Variants in TEN1 observed in about 807,000 individuals in gnomAD.
The protein encoded by TEN1 is CST complex subunit TEN1.
TEN1 carries 6 observed loss-of-function variants against 9.3 expected under a neutral mutation model. The ratio of observed to expected loss-of-function variants is 0.65; its 90% CI spans 0.35 to 1.27. The LOEUF is 1.27. Among genes scored for constraint, TEN1 ranks in the 50% most tolerant of loss-of-function variants. The pLI is 0.03. For synonymous variants in TEN1, 65 were observed against 65.6 expected (o/e 0.99, Z 0.04); for missense variants, 149 against 158.2 (o/e 0.94, Z 0.31).
intron 1 of TEN1, 68 bp from the exon 2 acceptor site, chr17:75,986,119 A>G (rs539598651): frequency 8.1e-7 from 1 of 1,228,914 alleles, no homozygotes; most frequent in South Asian, 1.5e-5. Flanking sequence ...ATATCTGCTA[A>G]TCTCTGTTTT....
At chr17:75,982,422 G>A (rs780098853) in intron 1 of TEN1, among the ~76,000 whole-genome samples, 8 of 152,070 alleles carry the variant, frequency 5.3e-5, no homozygotes, top group Admixed American at 1.3e-4. Context: ...TTTTTGCAGC[G>A]AAACTTCAGA....
At chr17:75,986,665 C>A (rs2066154381) in intron 2 of TEN1, among the ~76,000 whole-genome samples, 2 of 151,782 alleles carry the variant, frequency 1.3e-5, no homozygotes, top group Admixed American at 6.6e-5. Context: ...CGCGCCATTG[C>A]ACTCCAGCCT....
rs568592944 is a variant in TEN1 at position 75,984,394 on chromosome 17, T to C, written c.-6-1793T>C. ...GTCTCTTGTTCTACTTTTTCATTTT[T>C]TTAAATTTAATTTTGTTTTTGTGAG... On this transcript the variant is annotated intron_variant, in intron 1 of 3. Transcript: ENST00000397640. Among the ~76,000 whole-genome samples the C allele has an allele frequency of 7.9e-5, 12 of 152,298 alleles. No homozygotes were observed. In the South Asian group the frequency reaches 2.3e-3, roughly 29 times the overall value.
At chr17:75,999,951 C>T (rs997633100) in intron 3 of TEN1, among the ~76,000 whole-genome samples, 190 bp from the exon 4 acceptor site, 1 of 152,148 alleles carries the variant, frequency 6.6e-6, no homozygotes, top group South Asian at 2.1e-4. Context: ...CACGGGCCGA[C>T]TGTGCATGAC....
At chr17:75,999,335 T>C (rs1031657179) in intron 3 of TEN1, among the ~76,000 whole-genome samples, 2 of 152,000 alleles carry the variant, frequency 1.3e-5, no homozygotes, top group Admixed American at 1.3e-4. Flanking sequence ...AGCAACACCC[T>C]GTCTCAAAAA....
chr17:75,998,701 CTTATT>C (rs1203406988), intron 3 of TEN1, among the ~76,000 whole-genome samples: 1 of 151,496 alleles, frequency 6.6e-6, no homozygotes, highest in Non-Finnish European at 1.5e-5. Context: ...TATTTATTTA[CTTATT>C]TTGAGACAGA....
chr17:75,986,799 G>A (rs2066155169), intron 2 of TEN1, among the ~76,000 whole-genome samples: 1 of 151,120 alleles, frequency 6.6e-6, no homozygotes, highest in Non-Finnish European at 1.5e-5. Flanking sequence ...TAGAGAGGAA[G>A]GAAAAGTCAC....
At chr17:75,985,767 G>T (rs1486634245) in intron 1 of TEN1, among the ~76,000 whole-genome samples, 1 of 149,294 alleles carries the variant, frequency 6.7e-6, no homozygotes, top group Non-Finnish European at 1.5e-5. Context: ...CAGGTGATCC[G>T]CCCGCCTCAG....
chr17:75,980,111 C>G (rs1166022196), intron 1 of TEN1, among the ~76,000 whole-genome samples: 1 of 152,020 alleles, frequency 6.6e-6, no homozygotes, highest in Non-Finnish European at 1.5e-5. Context: ...ACGAGGCGGG[C>G]GTATCACTTG....
At chr17:75,988,580 AAAAAAAAG>A in intron 2 of TEN1, among the ~76,000 whole-genome samples, 1 of 148,616 alleles carries the variant, frequency 6.7e-6, no homozygotes. Flanking sequence ...AAAAAAAAAA[AAAAAAAAG>A]AAAAGAAGAA....
intron 2 of TEN1, among the ~76,000 whole-genome samples, chr17:75,988,845 A>G (rs2066168187): frequency 1.3e-5 from 2 of 151,960 alleles, no homozygotes; most frequent in Non-Finnish European, 2.9e-5. Flanking sequence ...ATCTCGGCTC[A>G]CTGCAACCTC....
rs2066185829 is a variant in TEN1, at chr17:75,991,558, T to TGGAG, written c.186_189dup (p.Pro64GlyfsTer106). 6 of 1,552,190 alleles carry TGGAG rather than the reference T, an allele frequency of 3.9e-6. No homozygotes were observed. The highest frequency in any genetic ancestry group is 5.2e-6 in the Non-Finnish European group (6 of 1,147,124). The stretch of plus-strand genomic sequence containing the variant: ...CAGGTTCTTGTCTGTACCAAGTTGG[T>TGGAG]GGAGCCCTTCCACGCCCAGGTGGGC... On this transcript the variant is annotated frameshift_variant, in exon 3 of 4. Coordinates refer to ENST00000397640, the MANE Select transcript of TEN1 (RefSeq NM_001113324.3). LOFTEE classifies it high-confidence loss of function.
intron 1 of TEN1, among the ~76,000 whole-genome samples, chr17:75,980,832 C>A (rs1015732817): frequency 3.9e-5 from 6 of 152,140 alleles, no homozygotes; most frequent in Middle Eastern, 3.2e-3. Flanking sequence ...CACTCTTAAC[C>A]CCTAGGACCT....
chr17:75,991,629 C>CT lies in TEN1; in HGVS notation c.250+7dup, dbSNP rs1311324243. ...GGAGCTCCAGCATCAGCAGGGTGAGCTGCAGCCTCAGATCCCCTTTCTCAT... is the reference window on the plus strand; with the variant it reads ...GGAGCTCCAGCATCAGCAGGGTGAGCTTGCAGCCTCAGATCCCCTTTCTCAT... On this transcript the variant is annotated splice_region_variant and intron_variant, in intron 3 of 3. Coordinates refer to ENST00000397640, the MANE Select transcript of TEN1 (RefSeq NM_001113324.3). 2 of 1,550,620 alleles carry CT rather than the reference C, an allele frequency of 1.3e-6. No individual in the cohort carries two copies. The highest frequency in any genetic ancestry group is 3.9e-5 in the Admixed American group (2 of 50,888).
At chr17:75,996,844 C>T (rs2066221274) in intron 3 of TEN1, among the ~76,000 whole-genome samples, 1 of 152,102 alleles carries the variant, frequency 6.6e-6, no homozygotes, top group African/African-American at 2.4e-5. Context: ...ATCCTTACAG[C>T]TCTGGGACTT....
chr17:75,989,787 GA>G (rs1020146848), intron 2 of TEN1, among the ~76,000 whole-genome samples: 1 of 151,338 alleles, frequency 6.6e-6, no homozygotes, highest in Non-Finnish European at 1.5e-5. Context: ...GGAACTACTG[GA>G]TATTGACACT....
chr17:75,994,930 T>G (rs1028228405), intron 3 of TEN1, among the ~76,000 whole-genome samples: 4 of 152,106 alleles, frequency 2.6e-5, no homozygotes, highest in Non-Finnish European at 5.9e-5. Context: ...GCTTTAAACC[T>G]CCCTGTGAAA....
At chr17:75,993,363 A>G (rs963578902) in intron 3 of TEN1, among the ~76,000 whole-genome samples, 22 of 151,854 alleles carry the variant, frequency 1.4e-4, no homozygotes, top group African/African-American at 5.3e-4. Context: ...TCGGCCTCCC[A>G]AAGTGTTGGG....
intron 2 of TEN1, among the ~76,000 whole-genome samples, chr17:75,986,986 C>T (rs1342169680): frequency 2.6e-5 from 4 of 152,068 alleles, no homozygotes; most frequent in Non-Finnish European, 2.9e-5. Flanking sequence ...ATTACCCATA[C>T]ACACAATTTT....
Sources: gnomAD v4.1 joint callset for allele counts (sites outside exome capture counted in the v4.1 genomes callset) on GRCh38, gnomAD v4.1.1 for gene constraint, MANE v1.5 for transcripts, NCBI Gene and HGNC (gene_info 2026-07-23, HGNC 2026-07-21) for gene names.